The following DMTN variants were observed in gnomAD, a reference collection of about 807,000 sequenced individuals.
DMTN encodes the protein dematin actin binding protein, also known as dematin.
Under a neutral mutation model 59.4 loss-of-function variants are expected in DMTN, and 27 were observed. The ratio of observed to expected loss-of-function variants is 0.45; its 90% confidence interval spans 0.33 to 0.63. The LOEUF (loss-of-function observed/expected upper bound fraction) is 0.63, where lower values mean the gene tolerates loss of function less well. Among genes scored for constraint, DMTN ranks in the 20% least tolerant of loss-of-function variants. The pLI, the probability that DMTN is intolerant of heterozygous loss-of-function variation, is 0.02. For synonymous variants in DMTN, 221 were observed against 203.7 expected, an observed-to-expected ratio of 1.08 and a Z score of -0.72; for missense variants, 451 against 528.9, an observed-to-expected ratio of 0.85 and a Z score of 1.45.
rs891857048 is a variant in DMTN, at chr8:22,058,920, C to CG, written c.-172+1791dup. Among the ~76,000 whole-genome samples, 42 of 152,046 alleles carry CG rather than the reference C, an allele frequency of 2.8e-4. No individual in the cohort carries two copies. Among genetic ancestry groups the CG allele is most frequent in the African/African-American group, 5.6e-4 (23 of 41,408 alleles). ...GCCTCCTGGTGTCCTTTTCCAGTGG[C>CG]GGGGGGGTGCGGGGAGCAAGGTGCC... On this transcript the variant is annotated intron_variant, in intron 1 of 15. Coordinates refer to ENST00000358242, the MANE Select transcript of DMTN (RefSeq NM_001387751.1). The surrounding 1 kb of genome is among the most constrained non-coding windows in gnomAD (Gnocchi z 4.3).
chr8:22,070,647 TGATAGA>T (rs2131089142), intron 8 of DMTN, among the ~76,000 whole-genome samples: 1 of 152,330 alleles, frequency 6.6e-6, no homozygotes, highest in East Asian at 1.9e-4. Flanking sequence ...GAAAGATAAA[TGATAGA>T]TGGTTTGGTC....
At chr8:22,051,629 C>G (rs1336339645), upstream of DMTN, among the ~76,000 whole-genome samples, 1 of 152,192 alleles carries the variant, frequency 6.6e-6, no homozygotes, top group Non-Finnish European at 1.5e-5. Flanking sequence ...GATTCCCTCC[C>G]GCTCTGCTCT....
At chr8:22,069,801 G>A (rs1273735401) in intron 6 of DMTN, 80 bp from the exon 7 acceptor site, 85 of 1,523,450 alleles carry the variant, frequency 5.6e-5, no homozygotes, top group Non-Finnish European at 7.0e-5. Context: ...ACCTTGTCCC[G>A]TTCCATCATC....
intron 3 of DMTN, 111 bp from the exon 4 acceptor site, chr8:22,067,416 G>A (rs1585884805): frequency 2.1e-6 from 3 of 1,451,898 alleles, no homozygotes; most frequent in South Asian, 1.3e-5. Flanking sequence ...AATTGTTAAC[G>A]TCTGCAATGG....
upstream of DMTN, among the ~76,000 whole-genome samples, chr8:22,054,477 C>T (rs917741068): frequency 1.3e-5 from 2 of 152,130 alleles, no homozygotes; most frequent in Non-Finnish European, 2.9e-5. Flanking sequence ...CCCAGTGCAG[C>T]CAGCGCCCAG....
intron 1 of DMTN, among the ~76,000 whole-genome samples, chr8:22,062,225 G>GA: frequency 6.6e-6 from 1 of 151,068 alleles, no homozygotes; most frequent in East Asian, 2.0e-4. Context: ...AAGTAGCTGG[G>GA]ACTATAGGCG....
upstream of DMTN, among the ~76,000 whole-genome samples, chr8:22,056,550 C>T (rs538829509): frequency 7.2e-6 from 1 of 138,758 alleles, no homozygotes; most frequent in Admixed American, 6.8e-5. Flanking sequence ...GGCTGAGGGG[C>T]TCTGGGTGCG....
chr8:22,081,292 G>A (rs1034636971), intron 15 of DMTN, 58 bp from the exon 16 acceptor site: 38 of 1,598,360 alleles, frequency 2.4e-5, no homozygotes, highest in Non-Finnish European at 2.6e-6. Flanking sequence ...TGTCCCCTAG[G>A]TCACTGGGCA....
rs1025465622 is a variant in DMTN, at chr8:22,082,026, G to C, written c.*563G>C. 1.1e-5 allele frequency: 5 copies of C among 456,776 alleles called. No homozygotes were observed. Among genetic ancestry groups the C allele is most frequent in the African/African-American group, 6.0e-5 (3 of 50,072 alleles). 28.3% of individuals were successfully genotyped at this position (456,776 alleles called of 1,614,324 possible). ...GCCCTGACCTCCGCTCGCAAACCCCGAGCTTCCAAGCCTTTTGCTCCAGCC... is the reference window on the plus strand; with the variant it reads ...GCCCTGACCTCCGCTCGCAAACCCCCAGCTTCCAAGCCTTTTGCTCCAGCC... On this transcript the variant is annotated 3_prime_UTR_variant, in exon 16 of 16. Transcript: ENST00000358242.
chr8:22,067,386 CTAAT>C (rs1317821718), intron 3 of DMTN, 137 bp from the exon 4 acceptor site: 50 of 1,307,274 alleles, frequency 3.8e-5, no homozygotes, highest in Non-Finnish European at 5.2e-5. Flanking sequence ...TTTAAGGTGA[CTAAT>C]TTCTTAAAAT....
chr8:22,062,541 T>C (rs12543764), intron 1 of DMTN, among the ~76,000 whole-genome samples: 34,171 of 151,992 alleles, frequency 0.22, 4,370 homozygotes, highest in African/African-American at 0.35. Flanking sequence ...TCTACCGTTC[T>C]CTCTCTGCTG....
chr8:22,070,490 C>T (rs927180088), intron 8 of DMTN, 156 bp downstream of exon 8: 2 of 864,614 alleles, frequency 2.3e-6, no homozygotes, highest in Non-Finnish European at 3.3e-6. Context: ...GCTCCTTGCT[C>T]ACTCACTCTC....
chr8:22,067,127 T>A lies in DMTN; in HGVS notation c.61T>A (p.Ser21Thr). ...CGGGAGCGTGAGCCCCTCCCGAGAT[T>A]CCAGTGTGCCTGGCTCTCCCTCCAG... ...SPGSVSPSRD[S>T]SVPGSPSSIV... is the part of the protein sequence containing the mutation. Residue 21 changes from serine (S) to threonine (T), a missense_variant, in exon 3 of 16, where the codon TCC becomes ACC. Ser to Thr is a moderately conservative substitution (Grantham distance 58, BLOSUM62 1). Transcript: ENST00000358242. The A allele has an allele frequency of 6.2e-7, 1 of 1,607,866 alleles. No individual in the cohort carries two copies. Among genetic ancestry groups the A allele is most frequent in the Middle Eastern group, 1.7e-4 (1 of 6,044 alleles).
intron 1 of DMTN, chr8:22,059,081 T>C (rs2130369241): frequency 6.6e-6 from 1 of 152,420 alleles, no homozygotes; most frequent in South Asian, 2.1e-4. Flanking sequence ...CCTAGCTGGA[T>C]TCTGCCTTTA....
intron 2 of DMTN, 93 bp downstream of exon 2, chr8:22,066,986 C>T: frequency 3.2e-6 from 4 of 1,268,046 alleles, no homozygotes; most frequent in Non-Finnish European, 4.0e-6. Flanking sequence ...CGCCGCGCAG[C>T]GCCGCGCAGC....
At position 22,068,223 on chromosome 8, in the gene DMTN, T is replaced by G. The variant is rs544566595; in HGVS notation, c.249+541T>G. Among the ~76,000 whole-genome samples the G allele has an allele frequency of 9.2e-5, 14 of 152,310 alleles. 1 individual carries two copies. Among genetic ancestry groups the G allele is most frequent in the African/African-American group, 2.9e-4 (12 of 41,568 alleles). ...AACCCCGACCTCATCCTTGGATGCT[T>G]CTTGGTCTTGTCTCTTCTATTTGTT... On this transcript the variant is annotated intron_variant, in intron 4 of 15. Coordinates refer to ENST00000358242, the MANE Select transcript of DMTN (RefSeq NM_001387751.1).
chr8:22,067,001 C>CG (rs1232724969), intron 2 of DMTN, 84 bp from the exon 3 acceptor site: 9 of 1,305,910 alleles, frequency 6.9e-6, no homozygotes, highest in Non-Finnish European at 8.8e-6. Flanking sequence ...CGCAGCGCCC[C>CG]GGGTCCCCCA....
intron 8 of DMTN, 24 bp from the exon 9 acceptor site, chr8:22,072,302 C>T (rs758967737): frequency 4.4e-6 from 7 of 1,585,688 alleles, no homozygotes; most frequent in Middle Eastern, 1.7e-4. Flanking sequence ...TGACTCCCTC[C>T]CCACCTTTGC....
chr8:22,073,952 C>T (rs1038196746), intron 10 of DMTN, 117 bp downstream of exon 10: 26 of 738,690 alleles, frequency 3.5e-5, no homozygotes, highest in Non-Finnish European at 5.5e-5. Context: ...CACGGCTGCT[C>T]TCTTGGGAGC....
Sources: gnomAD v4.1 joint callset for allele counts (sites outside exome capture counted in the v4.1 genomes callset) on GRCh38, gnomAD v4.1.1 for gene constraint, Gnocchi (gnomAD v3.1) non-coding constraint, MANE v1.5 for transcripts, NCBI Gene and HGNC (gene_info 2026-07-23, HGNC 2026-07-21) for gene names.